CRNKL1: variants seen among roughly 807,000 people sequenced by gnomAD.
CRNKL1 encodes crooked neck pre-mRNA splicing factor 1.
CRNKL1 carries 35 observed loss-of-function variants against 103.7 expected under a neutral mutation model. The observed-to-expected ratio is 0.34, with a 90% CI of 0.26 to 0.45. The LOEUF is 0.45. Among genes scored for constraint, CRNKL1 ranks in the 20% least tolerant of loss-of-function variants. CRNKL1 has a pLI of 1.00. For missense variants in CRNKL1, 645 were observed against 836.0 expected (o/e 0.77, Z 2.82); for synonymous variants, 267 against 282.6 (o/e 0.94, Z 0.55).
At chr20:20,048,714 T>A (rs2043634153) in intron 3 of CRNKL1, among the ~76,000 whole-genome samples, 1 of 152,162 alleles carries the variant, frequency 6.6e-6, no homozygotes, top group African/African-American at 2.4e-5. Context: ...GTGATTTATG[T>A]TATAGTCAAG....
intron 12 of CRNKL1, 78 bp downstream of exon 12, chr20:20,038,271 T>C: frequency 1.1e-6 from 1 of 888,674 alleles, no homozygotes; most frequent in Non-Finnish European, 1.7e-6. Flanking sequence ...CCCAAACACT[T>C]AAAATACAGA....
At chr20:20,045,608 G>C in intron 5 of CRNKL1, 122 bp from the exon 6 acceptor site, 1 of 800,730 alleles carries the variant, frequency 1.2e-6, no homozygotes, top group African/African-American at 1.7e-5. Context: ...AACTCTAGGG[G>C]AACAAAACAC....
chr20:20,043,859 T>C (rs184956739), intron 6 of CRNKL1, among the ~76,000 whole-genome samples, 197 bp from the exon 7 acceptor site: 23 of 152,250 alleles, frequency 1.5e-4, no homozygotes, highest in Middle Eastern at 3.4e-3. Context: ...GAGCTCCATA[T>C]TTAATACTGT....
chr20:20,055,829 C>A (rs926645), upstream of CRNKL1: 2 of 729,110 alleles, frequency 2.7e-6, no homozygotes, highest in Admixed American at 5.4e-5. Flanking sequence ...TTTGAGCTCA[C>A]TGGCTAGTAT....
rs565476218 is a variant in CRNKL1, at chr20:20,035,790, A to G, written c.*405T>C. 7 of 158,390 alleles carry G rather than the reference A, an allele frequency of 4.4e-5. No individual in the cohort carries two copies. The highest frequency in any genetic ancestry group is 8.4e-5 in the Non-Finnish European group (6 of 71,782). The allele number at this position is 158,390 out of a possible 1,614,324, so 9.8% of individuals were successfully genotyped here. On this transcript the variant is annotated 3_prime_UTR_variant, in exon 14 of 14. Coordinates refer to ENST00000536226, the MANE Select transcript of CRNKL1 (RefSeq NM_001278628.2). ...GAATGAGGAAAATGAAAATTAAGTT[A>G]TATAATCATGAGTGGCAGAGCTGGG...
At chr20:20,037,995 G>A (rs530483528) in intron 12 of CRNKL1, among the ~76,000 whole-genome samples, 180 of 151,866 alleles carry the variant, frequency 1.2e-3, no homozygotes, top group African/African-American at 4.2e-3. Context: ...GCTGAGGCAG[G>A]AGAATTGCTT....
Position 20,042,399 on chromosome 20 carries a change from G to T in CRNKL1, c.1090C>A (p.Gln364Lys). The T allele has an allele frequency of 6.2e-7, 1 of 1,614,136 alleles. No homozygotes were observed. Among genetic ancestry groups the T allele is most frequent in the Non-Finnish European group, 8.5e-7 (1 of 1,180,026 alleles). ...ERAIANVPPI[Q>K]EKRHWKRYIY... Reference sequence around the variant, plus strand: ...TAGCGCTTCCAGTGCCTCTTCTCCTGAATGGGTGGGACATTGGCAATGGCC... The same window carrying T: ...TAGCGCTTCCAGTGCCTCTTCTCCTTAATGGGTGGGACATTGGCAATGGCC... Residue 364 changes from glutamine (Q) to lysine (K), a missense_variant, in exon 8 of 14, where the codon CAG becomes AAG. By Grantham distance (53) the Gln-to-Lys change is moderately conservative. Coordinates refer to ENST00000536226, the MANE Select transcript of CRNKL1 (RefSeq NM_001278628.2).
chr20:20,042,203 G>C (rs2043524643), intron 8 of CRNKL1, 122 bp downstream of exon 8: 1 of 832,028 alleles, frequency 1.2e-6, no homozygotes, highest in African/African-American at 1.8e-5. Flanking sequence ...ATGAACAGAA[G>C]CCTATAAAAA....
intron 5 of CRNKL1, among the ~76,000 whole-genome samples, chr20:20,046,626 C>T (rs2043598231): frequency 6.6e-6 from 1 of 152,202 alleles, no homozygotes; most frequent in African/African-American, 2.4e-5. Flanking sequence ...CAGATTCTAT[C>T]TTCATTATTT....
chr20:20,039,471 C>G (rs1297512214), intron 11 of CRNKL1, 138 bp downstream of exon 11: 1 of 1,049,642 alleles, frequency 9.5e-7, no homozygotes, highest in Non-Finnish European at 1.4e-6. Flanking sequence ...TTTCCACGTA[C>G]AAGCCTAATC....
At chr20:20,056,010 G>A (rs559048790), upstream of CRNKL1, 22 of 1,605,842 alleles carry the variant, frequency 1.4e-5, no homozygotes, top group Middle Eastern at 1.7e-4. Flanking sequence ...CACTGTTGCC[G>A]TCATTAGAGA....
Position 20,039,633 on chromosome 20 carries a change from A to G in CRNKL1, c.1521T>C (p.Ser507=), listed in dbSNP as rs753398514. Residue 507 remains serine, a synonymous_variant, in exon 11 of 14, where the codon AGT becomes AGC. Coordinates refer to ENST00000536226, the MANE Select transcript of CRNKL1 (RefSeq NM_001278628.2). Reference sequence around the variant, plus strand: ...CCTCTGGCATGTCTAAACGTGGCTGACTGATGGCTAATTCATAGATTGCCC... The same window carrying G: ...CCTCTGGCATGTCTAAACGTGGCTGGCTGATGGCTAATTCATAGATTGCCC... ...RARAIYELAI[S]QPRLDMPEVL... is the part of the protein sequence containing the mutation. The G allele has an allele frequency of 1.2e-6, 2 of 1,614,212 alleles. No homozygotes were observed. Among genetic ancestry groups the G allele is most frequent in the Admixed American group, 1.7e-5 (1 of 60,022 alleles).
chr20:20,048,507 G>A lies in CRNKL1; in HGVS notation c.297-6C>T. On this transcript the variant is annotated splice_region_variant and splice_polypyrimidine_tract_variant and intron_variant, in intron 3 of 13. Coordinates refer to ENST00000536226, the MANE Select transcript of CRNKL1 (RefSeq NM_001278628.2). ...GCTCGTATATGGATCGAGCCCTTAA[G>A]AAGCAAGATTTGCAGGGCATCAAAA... The A allele has an allele frequency of 6.2e-7, 1 of 1,613,544 alleles. No individual in the cohort carries two copies. Among genetic ancestry groups the A allele is most frequent in the Non-Finnish European group, 8.5e-7 (1 of 1,179,536 alleles).
At position 20,043,615 on chromosome 20, in the gene CRNKL1, T is replaced by G; in HGVS notation, c.849A>C (p.Ser283=). ...VIYKYALDRI[S]KQDAQELFKN... ...TAAAGAGTTCTTGGGCATCTTGTTT[T>G]GAAATTCTGTCCAGGGCATACTTGT... The change falls in exon 7 of 14, where the codon TCA becomes TCC. Residue 283 remains serine, a synonymous_variant. Transcript: ENST00000536226. The G allele has an allele frequency of 6.2e-7, 1 of 1,614,154 alleles. No individual in the cohort carries two copies. The highest frequency in any genetic ancestry group is 8.5e-7 in the Non-Finnish European group (1 of 1,179,992).
rs148078969 is a variant in CRNKL1, at chr20:20,049,340, C to T, written c.296G>A (p.Arg99Lys). 38 of 1,514,246 alleles carry T rather than the reference C, an allele frequency of 2.5e-5. No homozygotes were observed. The highest frequency in any genetic ancestry group is 3.5e-5 in the Non-Finnish European group (38 of 1,096,918). 93.8% of individuals were successfully genotyped at this position (1,514,246 alleles called of 1,614,324 possible). Reference protein sequence around the residue: ...QWEESLKEIQRARSIYERALD... With the variant: ...QWEESLKEIQKARSIYERALD... The stretch of plus-strand genomic sequence containing the variant: ...AAAACTACACTCTCAGTAATTTTAC[C>T]TTTGAATCTCCTTTAGGCTTTCTTC... Residue 99 changes from arginine (R) to lysine (K), a missense_variant and splice_region_variant, in exon 3 of 14, where the codon AGG (arginine) becomes AAG (lysine). Arg to Lys is a conservative substitution (Grantham distance 26). This residue lies in a region of CRNKL1 where 63 missense variants were observed against 128.3 expected (regional missense o/e 0.49). Transcript: ENST00000536226.
At chr20:20,055,330 A>C (rs1443117029), upstream of CRNKL1, among the ~76,000 whole-genome samples, 3 of 152,112 alleles carry the variant, frequency 2.0e-5, no homozygotes, top group Non-Finnish European at 4.4e-5. Flanking sequence ...TAGAATTTGG[A>C]CTTCTCAGCA....
chr20:20,047,147 C>T (rs2043605559), intron 5 of CRNKL1, among the ~76,000 whole-genome samples: 1 of 152,136 alleles, frequency 6.6e-6, no homozygotes, highest in African/African-American at 2.4e-5. Flanking sequence ...CCAACACAAA[C>T]CTTAGAAAAA....
chr20:20,052,182 G>A (rs2146510456), intron 1 of CRNKL1, 110 bp downstream of exon 1: 1 of 941,038 alleles, frequency 1.1e-6, no homozygotes, highest in Non-Finnish European at 1.6e-6. Flanking sequence ...CATCTCTCAG[G>A]GTGAGCCTTC....
chr20:20,036,194 A>G lies in CRNKL1; in HGVS notation c.*1T>C. On this transcript the variant is annotated 3_prime_UTR_variant, in exon 14 of 14. Transcript: ENST00000536226. ...CAAAACATTTGTCTATGAAAAAAAGATCAGGATTCACTCTCATCGACGTCC... is the reference window on the plus strand; with the variant it reads ...CAAAACATTTGTCTATGAAAAAAAGGTCAGGATTCACTCTCATCGACGTCC... The G allele has an allele frequency of 1.2e-6, 2 of 1,611,578 alleles. No homozygotes were observed. The highest frequency in any genetic ancestry group is 2.2e-5 in the South Asian group (2 of 90,326).
Sources: gnomAD v4.1 joint callset for allele counts (sites outside exome capture counted in the v4.1 genomes callset) on GRCh38, gnomAD v4.1.1 for gene constraint, gnomAD v4.1.1 regional missense constraint, MANE v1.5 for transcripts, NCBI Gene and HGNC (gene_info 2026-07-23, HGNC 2026-07-21) for gene names.